The following MAPKAPK5 variants were observed in gnomAD, a reference collection of about 807,000 sequenced individuals.
MAPKAPK5 encodes the protein MAPK activated protein kinase 5, also known as MAP kinase-activated protein kinase 5.
In MAPKAPK5, 30 loss-of-function variants were observed where a neutral mutation model predicts 65.1. The observed-to-expected ratio is 0.46, with a 90% CI of 0.34 to 0.63. MAPKAPK5 has a LOEUF of 0.63. Ranked by LOEUF, MAPKAPK5 falls within the 20% of genes least tolerant of loss-of-function variation. The pLI is 0.01. For synonymous variants in MAPKAPK5, 179 were observed against 204.6 expected, an observed-to-expected ratio of 0.87 and a Z score of 1.07; for missense variants, 433 against 581.4, an observed-to-expected ratio of 0.74 and a Z score of 2.63.
At chr12:111,881,349 C>G (rs1003251798) in intron 8 of MAPKAPK5, among the ~76,000 whole-genome samples, 1 of 151,022 alleles carries the variant, frequency 6.6e-6, no homozygotes, top group Admixed American at 6.6e-5. Flanking sequence ...GCTGGGATTA[C>G]AGGCGTGAGC....
At chr12:111,856,296 A>G (rs1436247981) in intron 1 of MAPKAPK5, among the ~76,000 whole-genome samples, 1 of 151,512 alleles carries the variant, frequency 6.6e-6, no homozygotes, top group African/African-American at 2.4e-5. Context: ...AATATGGCCT[A>G]TCATAAGCCA....
At position 111,888,870 on chromosome 12, in the gene MAPKAPK5, C is replaced by T. The variant is rs766833410; in HGVS notation, c.1101-15C>T. 1.2e-6 allele frequency: 2 copies of T among 1,612,764 alleles called. No homozygotes were observed. Among genetic ancestry groups the T allele is most frequent in the Non-Finnish European group, 1.7e-6 (2 of 1,179,006 alleles). On this transcript the variant is annotated splice_polypyrimidine_tract_variant and intron_variant, in intron 11 of 13. Transcript: ENST00000550735. The stretch of plus-strand genomic sequence containing the variant: ...GGTCTCACGTTGTCATTACCCCTCC[C>T]TCAAACTCTTAAAGCACCAAGCCAA...
intron 1 of MAPKAPK5, among the ~76,000 whole-genome samples, chr12:111,849,121 A>G (rs2068991670): frequency 2.0e-5 from 3 of 149,998 alleles, no homozygotes; most frequent in Admixed American, 6.7e-5. Flanking sequence ...TTTTTTATTA[A>G]TTTTTTTAGA....
Position 111,895,515 on chromosome 12 carries a change from AT to A in MAPKAPK5, c.*2455del, listed in dbSNP as rs916138426. Reference sequence around the variant, plus strand: ...TAAATGGATTTCCTGTAAGGAGAATATGTCTCCCCCCCACCCCCCACCCTGC... The same window carrying A: ...TAAATGGATTTCCTGTAAGGAGAATAGTCTCCCCCCCACCCCCCACCCTGC... On this transcript the variant is annotated 3_prime_UTR_variant, in exon 14 of 14. Coordinates refer to ENST00000550735, the MANE Select transcript of MAPKAPK5 (RefSeq NM_003668.4). The A allele has an allele frequency of 1.6e-4, 23 of 139,406 alleles. No homozygotes were observed. The highest frequency in any genetic ancestry group is 6.1e-4 in the African/African-American group (23 of 37,982). The allele number at this position is 139,406 out of a possible 1,614,324, so 8.6% of individuals were successfully genotyped here.
In MAPKAPK5 at chr12:111,886,032, A is replaced by C; in HGVS notation, c.965A>C (p.Asp322Ala). Residue 322 changes from aspartate (D) to alanine (A), a missense_variant, in exon 10 of 14, where the codon GAC (aspartate) becomes GCC (alanine). This residue lies in a region of MAPKAPK5 where 169 missense variants were observed against 215.6 expected (regional missense o/e 0.78). Coordinates refer to ENST00000550735, the MANE Select transcript of MAPKAPK5 (RefSeq NM_003668.4). ...NVLPSAQLMM[D>A]KAVVAGIQQA... The stretch of plus-strand genomic sequence containing the variant: ...CTGCCTTCTGCTCAGCTGATGATGG[A>C]CAAGGTTTTGAATGATGTTTACTTT... 1 of 1,613,856 alleles carries C rather than the reference A, an allele frequency of 6.2e-7. No individual in the cohort carries two copies. The highest frequency in any genetic ancestry group is 8.5e-7 in the Non-Finnish European group (1 of 1,179,846).
intron 1 of MAPKAPK5, among the ~76,000 whole-genome samples, chr12:111,858,970 G>A (rs1171154136): frequency 6.2e-5 from 9 of 145,618 alleles, no homozygotes; most frequent in African/African-American, 1.5e-4. Flanking sequence ...TTTTTACTTC[G>A]TCATCAGTTT....
chr12:111,882,357 C>T (rs1016837912), intron 8 of MAPKAPK5, among the ~76,000 whole-genome samples: 4 of 151,450 alleles, frequency 2.6e-5, no homozygotes, highest in South Asian at 2.1e-4. Flanking sequence ...TCCAACCTGG[C>T]GACAGAGTGA....
At chr12:111,873,215 G>T (rs1393953792) in intron 7 of MAPKAPK5, among the ~76,000 whole-genome samples, 1 of 152,076 alleles carries the variant, frequency 6.6e-6, no homozygotes, top group Non-Finnish European at 1.5e-5. Context: ...GAGAGACCAG[G>T]TTCTTTTTTT....
chr12:111,854,085 T>A (rs747223843), intron 1 of MAPKAPK5, among the ~76,000 whole-genome samples: 1 of 152,204 alleles, frequency 6.6e-6, no homozygotes, highest in Non-Finnish European at 1.5e-5. Flanking sequence ...GATTGTTTAA[T>A]CTATATTCAT....
At chr12:111,871,641 T>C (rs1158196138) in intron 7 of MAPKAPK5, among the ~76,000 whole-genome samples, 1 of 151,862 alleles carries the variant, frequency 6.6e-6, no homozygotes, top group Non-Finnish European at 1.5e-5. Flanking sequence ...AGACTCCGTC[T>C]CAAAAAAAAA....
intron 3 of MAPKAPK5, 38 bp from the exon 4 acceptor site, chr12:111,867,534 C>G: frequency 6.7e-7 from 1 of 1,483,786 alleles, no homozygotes; most frequent in Non-Finnish European, 9.4e-7. Context: ...ATGTTGGTAT[C>G]CCCTACCTAT....
rs941378862 is a variant in MAPKAPK5 at position 111,871,065 on chromosome 12, C to G, written c.484-20C>G. 8.8e-6 allele frequency: 14 copies of G among 1,590,484 alleles called. No homozygotes were observed. Among genetic ancestry groups the G allele is most frequent in the Non-Finnish European group, 1.2e-5 (14 of 1,160,356 alleles). ...TACTGAGCACTCTGGAGCAGTGACT[C>G]CTTTTTTTTTTAATTTCAGGATGCC... is the stretch of plus-strand genomic sequence containing the variant. On this transcript the variant is annotated intron_variant, in intron 6 of 13. Transcript: ENST00000550735.
At chr12:111,857,945 C>T (rs2069299384) in intron 1 of MAPKAPK5, among the ~76,000 whole-genome samples, 1 of 151,708 alleles carries the variant, frequency 6.6e-6, no homozygotes, top group Admixed American at 6.6e-5. Flanking sequence ...GTTGCCTAGG[C>T]TGGAGTGCAG....
chr12:111,892,793 A>G (rs1252179758), intron 13 of MAPKAPK5, among the ~76,000 whole-genome samples, 174 bp from the exon 14 acceptor site: 1 of 152,118 alleles, frequency 6.6e-6, no homozygotes, highest in Non-Finnish European at 1.5e-5. Context: ...GAACTGTACA[A>G]TTGCTACCTG....
chr12:111,868,429 AAGAT>A (rs1329487823), intron 4 of MAPKAPK5, among the ~76,000 whole-genome samples: 3 of 152,256 alleles, frequency 2.0e-5, no homozygotes, highest in Non-Finnish European at 4.4e-5. Context: ...ATGGAAAAAG[AAGAT>A]AGAATTTTAA....
At chr12:111,854,096 G>A (rs930112006) in intron 1 of MAPKAPK5, among the ~76,000 whole-genome samples, 1 of 152,074 alleles carries the variant, frequency 6.6e-6, no homozygotes, top group Non-Finnish European at 1.5e-5. Context: ...CTATATTCAT[G>A]ATAGATACTT....
chr12:111,867,551 A>T, intron 3 of MAPKAPK5, 21 bp from the exon 4 acceptor site: 1 of 1,593,816 alleles, frequency 6.3e-7, no homozygotes, highest in Non-Finnish European at 8.6e-7. Context: ...CTATTGATAC[A>T]TTTCCTCTGT....
In MAPKAPK5 at chr12:111,899,813, A is replaced by G. The variant is rs766969930; in HGVS notation, c.*6752A>G. 2.4e-6 allele frequency: 1 copy of G among 423,158 alleles called. No individual in the cohort carries two copies. Among genetic ancestry groups the G allele is most frequent in the Admixed American group, 2.4e-5 (1 of 40,916 alleles). The allele number at this position is 423,158 out of a possible 1,614,324, so 26.2% of individuals were successfully genotyped here. A position where few individuals can be genotyped will look rare whatever the true frequency, so the allele number is the denominator to read the frequency against. On this transcript the variant is annotated 3_prime_UTR_variant, in exon 14 of 14. Transcript: ENST00000550735. ...GGAAAAATCTTACAGCATTGAGCCC[A>G]TGGACTCTTCAAGACGGTTTGAACA...
At chr12:111,888,698 T>C in intron 11 of MAPKAPK5, 80 bp downstream of exon 11, 1 of 1,578,382 alleles carries the variant, frequency 6.3e-7, no homozygotes, top group South Asian at 1.2e-5. Context: ...GAAATTTAAC[T>C]TGCTCAGCTA....
Sources: gnomAD v4.1 joint callset for allele counts (sites outside exome capture counted in the v4.1 genomes callset) on GRCh38, gnomAD v4.1.1 for gene constraint, gnomAD v4.1.1 regional missense constraint, MANE v1.5 for transcripts, NCBI Gene and HGNC (gene_info 2026-07-23, HGNC 2026-07-21) for gene names.